Variants in GTF2H3 observed in about 807,000 individuals in gnomAD.
GTF2H3 encodes general transcription factor IIH subunit 3.
Under a neutral mutation model 51.1 loss-of-function variants are expected in GTF2H3, and 42 were observed. The observed-to-expected ratio is 0.82, with a 90% confidence interval of 0.64 to 1.06. GTF2H3 has a LOEUF of 1.06. Among genes scored for constraint, GTF2H3 ranks in the 50% least tolerant of loss-of-function variants. The probability of loss-of-function intolerance (pLI) is 0.00; values close to 1 mark genes in which losing one functional copy is unlikely to be tolerated. For synonymous variants in GTF2H3, 123 were observed against 123.8 expected (o/e 0.99, Z 0.04); for missense variants, 326 against 366.1 (o/e 0.89, Z 0.89).
In GTF2H3 at chr12:123,658,074, T is replaced by C. The variant is rs181778889; in HGVS notation, c.616-1442T>C. ...TTTATTTTTATTTTATTTTATTTTA[T>C]TTTTAGACAGAGTCTTGCTCTTGCC... On this transcript the variant is annotated intron_variant, in intron 9 of 12. Transcript: ENST00000543341. Among the ~76,000 whole-genome samples, 39 of 152,306 alleles carry C rather than the reference T, an allele frequency of 2.6e-4. 1 individual carries two copies. Among genetic ancestry groups the C allele is most frequent in the Admixed American group, 2.0e-3 (30 of 15,296 alleles).
chr12:123,658,243 A>T (rs533602611), intron 9 of GTF2H3, among the ~76,000 whole-genome samples: 2 of 150,784 alleles, frequency 1.3e-5, no homozygotes. Context: ...TTTTTGAGAC[A>T]GTTTCACTCT....
intron 4 of GTF2H3, chr12:123,650,125 G>A (rs1955501794): frequency 6.6e-6 from 1 of 152,230 alleles, no homozygotes; most frequent in African/African-American, 2.4e-5. Flanking sequence ...ACCTTTTCTG[G>A]TCTGACCTCA....
At chr12:123,647,644 C>T (rs919757847) in intron 3 of GTF2H3, among the ~76,000 whole-genome samples, 1 of 152,186 alleles carries the variant, frequency 6.6e-6, no homozygotes, top group African/African-American at 2.4e-5. Flanking sequence ...CACCCCTCTG[C>T]AGCATTTCTG....
At chr12:123,641,456 C>T (rs1387529572) in intron 2 of GTF2H3, among the ~76,000 whole-genome samples, 6 of 151,688 alleles carry the variant, frequency 4.0e-5, no homozygotes, top group Non-Finnish European at 5.9e-5. Context: ...GAACTCCTGA[C>T]CTCAAGTGAT....
chr12:123,656,630 G>C (rs1469316338), intron 9 of GTF2H3, among the ~76,000 whole-genome samples: 1 of 152,170 alleles, frequency 6.6e-6, no homozygotes, highest in Non-Finnish European at 1.5e-5. Context: ...AAAGCAGAGA[G>C]CTCTTGGTTT....
At chr12:123,658,971 G>A (rs778403839) in intron 9 of GTF2H3, among the ~76,000 whole-genome samples, 1 of 152,084 alleles carries the variant, frequency 6.6e-6, no homozygotes, top group East Asian at 1.9e-4. Context: ...TATCATTACC[G>A]ACCAGGGAAG....
At chr12:123,634,019 GT>G (rs1955234026) in intron 1 of GTF2H3, 147 bp downstream of exon 1, 1 of 836,096 alleles carries the variant, frequency 1.2e-6, no homozygotes, top group Non-Finnish European at 2.0e-6. Context: ...CATTCATTCA[GT>G]AAATAGTTTT....
intron 2 of GTF2H3, among the ~76,000 whole-genome samples, chr12:123,642,732 A>G (rs1308175785): frequency 2.6e-5 from 4 of 152,330 alleles, no homozygotes; most frequent in African/African-American, 9.6e-5. Context: ...TGCGCATGTT[A>G]TAAATCTGAT....
At chr12:123,659,036 C>G (rs1183382712) in intron 9 of GTF2H3, among the ~76,000 whole-genome samples, 1 of 152,170 alleles carries the variant, frequency 6.6e-6, no homozygotes, top group East Asian at 1.9e-4. Context: ...CACATGTAAT[C>G]AAAAAGTCAG....
chr12:123,650,917 G>A (rs1056448483), intron 4 of GTF2H3, 77 bp from the exon 5 acceptor site: 1 of 883,074 alleles, frequency 1.1e-6, no homozygotes, highest in Non-Finnish European at 1.9e-6. Context: ...AGCATACTTA[G>A]TTCAATAAAG....
chr12:123,652,057 GCTC>G (rs574131567), intron 5 of GTF2H3, among the ~76,000 whole-genome samples: 94 of 152,232 alleles, frequency 6.2e-4, no homozygotes, highest in African/African-American at 2.2e-3. Flanking sequence ...TAAATGAGTG[GCTC>G]CTTCTCCATA....
At chr12:123,650,429 C>T (rs1955505817) in intron 4 of GTF2H3, 1 of 153,130 alleles carries the variant, frequency 6.5e-6, no homozygotes, top group Non-Finnish European at 1.5e-5. Context: ...GGCTGCTAGA[C>T]TTATGCGTGA....
In GTF2H3 at chr12:123,655,014, G is replaced by T. The variant is rs1955569497; in HGVS notation, c.561+16G>T. 5 of 1,593,166 alleles carry T rather than the reference G, an allele frequency of 3.1e-6. No homozygotes were observed. The African/African-American group carries it at 5.4e-5, about 17-fold the overall frequency. On this transcript the variant is annotated intron_variant, in intron 8 of 12. Transcript: ENST00000543341. Reference sequence around the variant, plus strand: ...ACAGAAACAGGTGAACTGAGAGCCTGCCGTTTAAAGTATTTGTTTCATAAC... The same window carrying T: ...ACAGAAACAGGTGAACTGAGAGCCTTCCGTTTAAAGTATTTGTTTCATAAC...
chr12:123,647,095 G>A (rs113727412), intron 3 of GTF2H3, among the ~76,000 whole-genome samples: 1,664 of 150,312 alleles, frequency 0.011, 14 homozygotes, highest in South Asian at 0.031. Context: ...GGAGCTTGCA[G>A]TGAGCCGAGG....
At chr12:123,647,152 CAAAA>C (rs1157428737) in intron 3 of GTF2H3, among the ~76,000 whole-genome samples, 2 of 63,166 alleles carry the variant, frequency 3.2e-5, no homozygotes, top group East Asian at 1.2e-3. Context: ...GACCCTGTCT[CAAAA>C]AAAAAAAAAA....
Position 123,660,308 on chromosome 12 carries a change from GA to G in GTF2H3, c.*80del. The G allele has an allele frequency of 9.0e-7, 1 of 1,107,994 alleles. No individual in the cohort carries two copies. Among genetic ancestry groups the G allele is most frequent in the Non-Finnish European group, 1.3e-6 (1 of 756,112 alleles). The allele number at this position is 1,107,994 out of a possible 1,614,324, so 68.6% of individuals were successfully genotyped here. A position where few individuals can be genotyped will look rare whatever the true frequency, so the allele number is the denominator to read the frequency against. The stretch of plus-strand genomic sequence containing the variant: ...TAGCAGATTCTTTGTTGGGAAGACT[GA>G]AAAAAATAAAGATAGGTATAGGATA... On this transcript the variant is annotated 3_prime_UTR_variant, in exon 13 of 13. Coordinates refer to ENST00000543341, the MANE Select transcript of GTF2H3 (RefSeq NM_001516.5).
intron 12 of GTF2H3, 37 bp from the exon 13 acceptor site, chr12:123,660,129 A>G (rs1955639561): frequency 6.2e-7 from 1 of 1,609,566 alleles, no homozygotes; most frequent in East Asian, 2.2e-5. Flanking sequence ...TCACAGCTCT[A>G]GAACATTAAA....
chr12:123,647,152 C>CAAA (rs1157428737), intron 3 of GTF2H3, among the ~76,000 whole-genome samples: 5 of 63,152 alleles, frequency 7.9e-5, no homozygotes, highest in African/African-American at 2.9e-4. Context: ...GACCCTGTCT[C>CAAA]AAAAAAAAAA....
intron 2 of GTF2H3, among the ~76,000 whole-genome samples, chr12:123,644,527 G>A (rs909059941): frequency 5.3e-5 from 8 of 151,986 alleles, no homozygotes; most frequent in East Asian, 1.9e-4. Flanking sequence ...TTAGCTGGGC[G>A]AGGTAGCACA....
Sources: gnomAD v4.1 joint callset for allele counts (sites outside exome capture counted in the v4.1 genomes callset) on GRCh38, gnomAD v4.1.1 for gene constraint, MANE v1.5 for transcripts, NCBI Gene and HGNC (gene_info 2026-07-23, HGNC 2026-07-21) for gene names.